Variants in RANBP2 observed in about 807,000 individuals in gnomAD.
The protein encoded by RANBP2 is RAN binding protein 2.
In RANBP2, 57 loss-of-function variants were observed where a neutral mutation model predicts 303.6. The observed-to-expected ratio is 0.19, with a 90% CI of 0.15 to 0.23. RANBP2 has a LOEUF of 0.23. Among genes scored for constraint, RANBP2 ranks in the 10% least tolerant of loss-of-function variants. The pLI is 1.00. For synonymous variants in RANBP2, 1,167 were observed against 1,301.5 expected (o/e 0.90, Z 2.23); for missense variants, 3,138 against 3,780.8 (o/e 0.83, Z 4.46).
the RANBP2 span, among the ~76,000 whole-genome samples, chr2:109,443,162 C>T: frequency 6.6e-6 from 1 of 152,264 alleles, no homozygotes; most frequent in African/African-American, 2.4e-5. Context: ...ACATATCTCA[C>T]ATAAATTATC....
At chr2:109,664,447 TA>T in the RANBP2 span, among the ~76,000 whole-genome samples, 2 of 147,930 alleles carry the variant, frequency 1.4e-5, no homozygotes, top group African/African-American at 2.5e-5. Flanking sequence ...CTACTAAAAA[TA>T]AAAAAATTAG....
chr2:109,652,223 G>GT, the RANBP2 span, among the ~76,000 whole-genome samples: 2 of 144,498 alleles, frequency 1.4e-5, no homozygotes, highest in African/African-American at 5.6e-5. Flanking sequence ...AAGGATTTTT[G>GT]TTTGTTTTTT....
chr2:109,359,709 C>G, the RANBP2 span, among the ~76,000 whole-genome samples: 1 of 152,236 alleles, frequency 6.6e-6, no homozygotes, highest in East Asian at 1.9e-4. Flanking sequence ...ATATTCCACA[C>G]CTGACCTTAT....
At chr2:109,570,667 G>A in the RANBP2 span, among the ~76,000 whole-genome samples, 1 of 151,856 alleles carries the variant, frequency 6.6e-6, no homozygotes, top group Non-Finnish European at 1.5e-5. Flanking sequence ...GATTACAGGT[G>A]CCTGCCACCA....
chr2:108,935,910 C>T, the RANBP2 span, among the ~76,000 whole-genome samples: 1 of 152,208 alleles, frequency 6.6e-6, no homozygotes, highest in East Asian at 1.9e-4. Context: ...CTCTGAGCTG[C>T]TCGCCTCTTG....
chr2:109,235,133 G>T, the RANBP2 span, among the ~76,000 whole-genome samples: 1 of 152,172 alleles, frequency 6.6e-6, no homozygotes, highest in Non-Finnish European at 1.5e-5. Flanking sequence ...TGGGAGGGGG[G>T]CCCTGGGAAG....
the RANBP2 span, among the ~76,000 whole-genome samples, chr2:109,693,493 G>A: frequency 7.2e-5 from 11 of 152,294 alleles, no homozygotes; most frequent in African/African-American, 2.4e-4. Flanking sequence ...GAATCATGGG[G>A]TGGTTTCCCC....
chr2:109,423,279 A>G, the RANBP2 span, among the ~76,000 whole-genome samples: 180 of 152,270 alleles, frequency 1.2e-3, no homozygotes, highest in Non-Finnish European at 2.3e-3. Flanking sequence ...GGTGCAGACC[A>G]GGGTCCCTGG....
downstream of RANBP2, among the ~76,000 whole-genome samples, chr2:108,786,030 C>G (rs1465566501): frequency 6.6e-6 from 1 of 151,506 alleles, no homozygotes; most frequent in Non-Finnish European, 1.5e-5. Flanking sequence ...TTGTACAGTT[C>G]CCCTCAGTCA....
At chr2:109,741,156 C>T in the RANBP2 span, among the ~76,000 whole-genome samples, 13 of 110,204 alleles carry the variant, frequency 1.2e-4, no homozygotes. Flanking sequence ...AAATCCTCAA[C>T]AAAATGGTAG....
At chr2:109,554,015 G>C in the RANBP2 span, among the ~76,000 whole-genome samples, 17 of 152,126 alleles carry the variant, frequency 1.1e-4, no homozygotes, top group Admixed American at 9.2e-4. Flanking sequence ...AGTTCGTATG[G>C]TATATTTCTG....
At chr2:109,222,830 C>T in the RANBP2 span, among the ~76,000 whole-genome samples, 1 of 152,270 alleles carries the variant, frequency 6.6e-6, no homozygotes, top group Non-Finnish European at 1.5e-5. Context: ...GCACATTTTC[C>T]AGTTCTCAGC....
the RANBP2 span, chr2:108,856,857 C>A: frequency 6.2e-7 from 1 of 1,613,160 alleles, no homozygotes; most frequent in East Asian, 2.2e-5. Context: ...GAAGGAAAAA[C>A]CTTGTTTTTG....
the RANBP2 span, among the ~76,000 whole-genome samples, chr2:108,925,404 A>G: frequency 6.6e-6 from 1 of 152,206 alleles, no homozygotes; most frequent in East Asian, 1.9e-4. Flanking sequence ...CGGCGGATGC[A>G]CAACACCCGG....
chr2:109,709,415 C>T, the RANBP2 span, among the ~76,000 whole-genome samples: 2 of 151,924 alleles, frequency 1.3e-5, no homozygotes, highest in African/African-American at 4.8e-5. Flanking sequence ...CTGCCTGCTC[C>T]TGGGAAGCAA....
the RANBP2 span, among the ~76,000 whole-genome samples, chr2:108,889,329 T>G: frequency 6.6e-6 from 1 of 152,178 alleles, no homozygotes; most frequent in Non-Finnish European, 1.5e-5. Flanking sequence ...AAGTTTAGTT[T>G]AAATCCAATG....
chr2:109,717,435 T>G, the RANBP2 span, among the ~76,000 whole-genome samples: 1 of 150,996 alleles, frequency 6.6e-6, no homozygotes, highest in South Asian at 2.1e-4. Context: ...TACAAAAATT[T>G]GCTGGGCATG....
At chr2:109,451,863 T>C in the RANBP2 span, among the ~76,000 whole-genome samples, 1 of 152,228 alleles carries the variant, frequency 6.6e-6, no homozygotes, top group Non-Finnish European at 1.5e-5. Flanking sequence ...TAGGCCACGC[T>C]TGGGGCTGGA....
At chr2:108,813,406 T>G in the RANBP2 span, among the ~76,000 whole-genome samples, 1 of 152,092 alleles carries the variant, frequency 6.6e-6, no homozygotes, top group Non-Finnish European at 1.5e-5. Flanking sequence ...TAGGGAAATA[T>G]CTCAAGAATA....
Sources: gnomAD v4.1 joint callset for allele counts (sites outside exome capture counted in the v4.1 genomes callset) on GRCh38, gnomAD v4.1.1 for gene constraint, MANE v1.5 for transcripts, NCBI Gene and HGNC (gene_info 2026-07-23, HGNC 2026-07-21) for gene names.